STRN3: variants seen among roughly 807,000 people sequenced by gnomAD.
STRN3 encodes the protein striatin-3.
A neutral mutation model predicts 95.6 loss-of-function variants in STRN3; 29 were observed. The observed-to-expected ratio is 0.30, with a 90% CI of 0.23 to 0.41. The LOEUF (loss-of-function observed/expected upper bound fraction) is 0.41, where lower values mean the gene tolerates loss of function less well. STRN3 is among the 10% of genes least tolerant of loss of function. STRN3 has a pLI of 1.00. For synonymous variants in STRN3, 331 were observed against 357.6 expected (o/e 0.93, Z 0.84); for missense variants, 890 against 972.1 (o/e 0.92, Z 1.12).
chr14:31,005,019 G>A (rs1356289229), intron 1 of STRN3, among the ~76,000 whole-genome samples: 1 of 152,020 alleles, frequency 6.6e-6, no homozygotes, highest in African/African-American at 2.4e-5. Context: ...GGAAAGGTAT[G>A]GTAATCCGCA....
At chr14:30,955,553 A>T in intron 3 of STRN3, 67 bp downstream of exon 3, 1 of 1,355,840 alleles carries the variant, frequency 7.4e-7, no homozygotes, top group Non-Finnish European at 1.0e-6. Context: ...ATGCGGGTAA[A>T]GAGAACATGT....
chr14:30,943,039 C>A (rs960853816), intron 5 of STRN3, among the ~76,000 whole-genome samples: 1 of 152,166 alleles, frequency 6.6e-6, no homozygotes, highest in African/African-American at 2.4e-5. Flanking sequence ...AGGCATACTG[C>A]CTCTAAAATA....
chr14:30,965,764 A>T (rs1880460291), intron 1 of STRN3, among the ~76,000 whole-genome samples: 1 of 44,096 alleles, frequency 2.3e-5, no homozygotes, highest in South Asian at 1.3e-3. Context: ...GTGAAACTCC[A>T]TCTCAAAAAA....
intron 1 of STRN3, among the ~76,000 whole-genome samples, chr14:30,969,877 AG>A (rs1880736602): frequency 6.6e-6 from 1 of 152,128 alleles, no homozygotes; most frequent in African/African-American, 2.4e-5. Context: ...AAGAGTGGAA[AG>A]AAAAAAACTC....
intron 1 of STRN3, among the ~76,000 whole-genome samples, chr14:30,992,413 AAAAGAAAAGG>A (rs1416212218): frequency 6.6e-6 from 1 of 151,692 alleles, no homozygotes; most frequent in African/African-American, 2.4e-5. Context: ...TCAAAAAAAA[AAAAGAAAAGG>A]AAAGAAAAGA....
intron 1 of STRN3, among the ~76,000 whole-genome samples, chr14:31,015,687 T>A (rs1883206220): frequency 6.6e-6 from 1 of 152,122 alleles, no homozygotes; most frequent in Non-Finnish European, 1.5e-5. Context: ...CACCTTCAAT[T>A]TTAAGAAGAG....
intron 1 of STRN3, among the ~76,000 whole-genome samples, chr14:30,995,515 T>C (rs1882157629): frequency 6.6e-6 from 1 of 152,196 alleles, no homozygotes; most frequent in Non-Finnish European, 1.5e-5. Context: ...CTGCTAGCTA[T>C]AAATTTCAAT....
Position 30,905,521 on chromosome 14 carries a change from A to G in STRN3, c.1926T>C (p.Cys642=). The G allele has an allele frequency of 6.2e-7, 1 of 1,607,312 alleles. No homozygotes were observed. The highest frequency in any genetic ancestry group is 8.5e-7 in the Non-Finnish European group (1 of 1,177,486). Residue 642 remains cysteine, a synonymous_variant, in exon 15 of 18, where the codon TGT becomes TGC. Coordinates refer to ENST00000357479, the MANE Select transcript of STRN3 (RefSeq NM_001083893.2). ...GIPTSVDFIG[C]DPAHMVTSFN... ...AAGAGGTTACCATATGAGCTGGATC[A>G]CAGCCTATAAAGTCAACTGATGTAG...
At chr14:30,978,846 A>G (rs2139218877) in intron 1 of STRN3, among the ~76,000 whole-genome samples, 1 of 152,224 alleles carries the variant, frequency 6.6e-6, no homozygotes, top group South Asian at 2.1e-4. Context: ...CAGCCTGGCC[A>G]ACATGGTGAA....
intron 1 of STRN3, among the ~76,000 whole-genome samples, chr14:30,967,506 T>C (rs1168065622): frequency 6.6e-6 from 1 of 152,242 alleles, no homozygotes; most frequent in African/African-American, 2.4e-5. Context: ...TCGCTGTCAA[T>C]GTAAACAAGG....
chr14:30,995,501 A>G (rs750365620), intron 1 of STRN3, among the ~76,000 whole-genome samples: 1 of 152,184 alleles, frequency 6.6e-6, no homozygotes, highest in East Asian at 1.9e-4. Context: ...TGCCTTTTGA[A>G]TATCTGCTAG....
At chr14:30,911,593 G>T (rs1309359873) in intron 12 of STRN3, among the ~76,000 whole-genome samples, 184 bp downstream of exon 12, 1 of 152,044 alleles carries the variant, frequency 6.6e-6, no homozygotes, top group Non-Finnish European at 1.5e-5. Flanking sequence ...ATGAACTACT[G>T]CATCTGGCCT....
At chr14:30,896,980 G>A (rs1013078388) in intron 16 of STRN3, among the ~76,000 whole-genome samples, 1 of 152,168 alleles carries the variant, frequency 6.6e-6, no homozygotes, top group Non-Finnish European at 1.5e-5. Flanking sequence ...TGGATAGAAA[G>A]CATTATAAAC....
intron 3 of STRN3, 111 bp from the exon 4 acceptor site, chr14:30,951,055 A>G (rs1362592146): frequency 2.6e-5 from 23 of 895,986 alleles, no homozygotes; most frequent in Non-Finnish European, 3.7e-5. Flanking sequence ...TTTATAAAGG[A>G]CAGGAAAAAA....
In STRN3 at chr14:30,907,003, C is replaced by A; in HGVS notation, c.1762G>T (p.Ala588Ser). The A allele has an allele frequency of 2.5e-6, 4 of 1,613,818 alleles. No individual in the cohort carries two copies. The highest frequency in any genetic ancestry group is 3.4e-6 in the Non-Finnish European group (4 of 1,179,850). The change falls in exon 14 of 18, where the codon GCA becomes TCA. Residue 588 changes from alanine (A) to serine (S), a missense_variant. This residue lies in a region of STRN3 where 357 missense variants were observed against 422.8 expected (regional missense o/e 0.84). Transcript: ENST00000357479. ...CCACTATAAGCAAGACCCCAAACTG[C>A]ATCTGTATGACCAACTAAAGTGCCA... ...LAGTLVGHTDAVWGLAYSGIK... is the reference protein window; with the variant it reads ...LAGTLVGHTDSVWGLAYSGIK...
At chr14:30,956,680 CTAA>C (rs2139145282) in intron 1 of STRN3, among the ~76,000 whole-genome samples, 1 of 152,238 alleles carries the variant, frequency 6.6e-6, no homozygotes, top group South Asian at 2.1e-4. Flanking sequence ...CTTAAGATCC[CTAA>C]TATTAATATT....
chr14:30,911,522 C>T (rs955599851), intron 12 of STRN3, among the ~76,000 whole-genome samples: 6 of 151,906 alleles, frequency 3.9e-5, no homozygotes, highest in East Asian at 1.9e-4. Flanking sequence ...AGGCTGGTCT[C>T]GAACTCCTGA....
chr14:30,895,503 A>G lies in STRN3; in HGVS notation c.2302T>C (p.Leu768=), dbSNP rs756114429. ...VQEITAHRKK[L]DESIYDVAFH... ...GCAACATCATAAATTGATTCATCCA[A>G]TTTCTTTCTGTGAGCTGTTATTTCT... Residue 768 remains leucine, a synonymous_variant, in exon 18 of 18, where the codon TTG becomes CTG. Coordinates refer to ENST00000357479, the MANE Select transcript of STRN3 (RefSeq NM_001083893.2). The G allele has an allele frequency of 5.6e-6, 9 of 1,613,938 alleles. No individual in the cohort carries two copies. Among genetic ancestry groups the G allele is most frequent in the Non-Finnish European group, 7.6e-6 (9 of 1,180,010 alleles).
intron 1 of STRN3, among the ~76,000 whole-genome samples, chr14:31,003,467 AT>A (rs1415422902): frequency 6.6e-6 from 1 of 151,896 alleles, no homozygotes; most frequent in Non-Finnish European, 1.5e-5. Flanking sequence ...GCCTAATGAT[AT>A]TTGGGTCATG....
Sources: allele counts gnomAD v4.1 joint callset (sites outside exome capture counted in the v4.1 genomes callset), GRCh38; gene constraint gnomAD v4.1.1; regional missense constraint gnomAD v4.1.1; transcripts MANE v1.5; gene names NCBI Gene and HGNC (gene_info 2026-07-23, HGNC 2026-07-21).